MGAT5B: variants seen among roughly 807,000 people sequenced by gnomAD.
MGAT5B encodes the protein alpha-1,6-mannosylglycoprotein 6-beta-N-acetylglucosaminyltransferase B.
In MGAT5B, 54 loss-of-function variants were observed where a neutral mutation model predicts 95.1. That is an observed-to-expected ratio of 0.57 (90% CI 0.46 to 0.71). The LOEUF (loss-of-function observed/expected upper bound fraction) is 0.71, where lower values mean the gene tolerates loss of function less well. Among genes scored for constraint, MGAT5B ranks in the 30% least tolerant of loss-of-function variants. The probability of loss-of-function intolerance (pLI) is 0.00; values close to 1 mark genes in which losing one functional copy is unlikely to be tolerated. For missense variants in MGAT5B, 935 were observed against 1,088.6 expected (o/e 0.86, Z 1.99); for synonymous variants, 464 against 451.0 (o/e 1.03, Z -0.36).
intron 12 of MGAT5B, 69 bp from the exon 13 acceptor site, chr17:76,937,919 G>T: frequency 6.4e-7 from 1 of 1,573,094 alleles, no homozygotes; most frequent in South Asian, 1.1e-5. Flanking sequence ...AGACCAAAGG[G>T]ATCTCCTCCA....
At position 76,940,613 on chromosome 17, in the gene MGAT5B, GAAGAGGCAGA is replaced by G; in HGVS notation, c.1731+66_1731+75del. 1 of 1,584,454 alleles carries G rather than the reference GAAGAGGCAGA, an allele frequency of 6.3e-7. No individual in the cohort carries two copies. The highest frequency in any genetic ancestry group is 8.6e-7 in the Non-Finnish European group (1 of 1,161,960). ...GGGACAGAGACCCCTGCAGGTCCTG[GAAGAGGCAGA>G]CTGAGATGTGGGGCAAAAGGAGATA... On this transcript the variant is annotated intron_variant, in intron 14 of 17. Coordinates refer to ENST00000569840, the MANE Select transcript of MGAT5B (RefSeq NM_001199172.2). The surrounding 1 kb of genome is among the most constrained non-coding windows in gnomAD (Gnocchi z 4.3).
At chr17:76,893,597 G>A (rs897332237) in intron 3 of MGAT5B, among the ~76,000 whole-genome samples, 4 of 152,258 alleles carry the variant, frequency 2.6e-5, no homozygotes, top group African/African-American at 9.6e-5. Flanking sequence ...GCACTTGGTG[G>A]TGGGAGTGAG....
chr17:76,928,437 T>A (rs575298131), intron 10 of MGAT5B, among the ~76,000 whole-genome samples: 1 of 152,218 alleles, frequency 6.6e-6, no homozygotes, highest in Admixed American at 6.5e-5. Context: ...CCAGGCGCGG[T>A]GGCTCACACC....
At chr17:76,933,093 T>TG (rs1366442505) in intron 11 of MGAT5B, among the ~76,000 whole-genome samples, 199 bp from the exon 12 acceptor site, 6 of 152,030 alleles carry the variant, frequency 3.9e-5, no homozygotes, top group East Asian at 1.9e-4. Context: ...CTTCGGTGGA[T>TG]GGGGGGGTGG....
intron 15 of MGAT5B, among the ~76,000 whole-genome samples, chr17:76,946,038 G>T (rs1970016414): frequency 6.6e-6 from 1 of 152,054 alleles, no homozygotes; most frequent in South Asian, 2.1e-4. Flanking sequence ...TAAGAGGGTG[G>T]GTGGGCTGTG....
At chr17:76,899,154 G>T (rs999054355) in intron 3 of MGAT5B, among the ~76,000 whole-genome samples, 5 of 152,244 alleles carry the variant, frequency 3.3e-5, no homozygotes, top group Non-Finnish European at 7.3e-5. Flanking sequence ...AGTTGACCTG[G>T]CAGGACCCCT....
At position 76,869,096 on chromosome 17, in the gene MGAT5B, C is replaced by T; in HGVS notation, c.67C>T (p.Arg23Trp). The T allele has an allele frequency of 6.2e-7, 1 of 1,613,966 alleles. No individual in the cohort carries two copies. Among genetic ancestry groups the T allele is most frequent in the Non-Finnish European group, 8.5e-7 (1 of 1,179,878 alleles). ...RRCLVTLRPF[R>W]LFVLGIGFFT... ...ATGCCTGGTCACCCTGAGACCCTTT[C>T]GGTAAAGTTCCCTCCTGGTTGGTTT... Residue 23 changes from arginine to tryptophan, a missense_variant and splice_region_variant, in exon 1 of 18, where the codon CGG becomes TGG. Arg to Trp is a moderately radical substitution (Grantham distance 101, BLOSUM62 -3). Around this residue, in one of 4 missense-constraint regions of MGAT5B, gnomAD observed 243 missense variants for 228.2 expected, o/e 1.06. Coordinates refer to ENST00000569840, the MANE Select transcript of MGAT5B (RefSeq NM_001199172.2). This position sits in a 1 kb window ranked among gnomAD's most constrained non-coding sequence, Gnocchi z 7.0.
At chr17:76,922,690 C>T (rs960318560) in intron 8 of MGAT5B, among the ~76,000 whole-genome samples, 1 of 152,236 alleles carries the variant, frequency 6.6e-6, no homozygotes, top group African/African-American at 2.4e-5. Flanking sequence ...AAGAGGCAGG[C>T]ACTGCCTTAG....
At chr17:76,877,682 C>T (rs926100679) in intron 2 of MGAT5B, among the ~76,000 whole-genome samples, 5 of 152,154 alleles carry the variant, frequency 3.3e-5, no homozygotes. Flanking sequence ...CTGCGGTGAG[C>T]GAGTACAGAG....
chr17:76,896,153 T>C (rs1451570610), intron 3 of MGAT5B, among the ~76,000 whole-genome samples: 1 of 152,256 alleles, frequency 6.6e-6, no homozygotes, highest in Admixed American at 6.5e-5. Context: ...CAACCAAGCA[T>C]TTCCCAGGTC....
In MGAT5B at chr17:76,938,287, C is replaced by A; in HGVS notation, c.1584+144C>A. ...CTGCTGCCCTGAGCCCCACATCTGG[C>A]CAGAGCCCAGGGGCAGAGATGTGGG... On this transcript the variant is annotated intron_variant, in intron 13 of 17. Transcript: ENST00000569840. The surrounding 1 kb of genome is among the most constrained non-coding windows in gnomAD (Gnocchi z 4.3). The A allele has an allele frequency of 8.7e-7, 1 of 1,153,250 alleles. No individual in the cohort carries two copies. Among genetic ancestry groups the A allele is most frequent in the Non-Finnish European group, 1.2e-6 (1 of 824,370 alleles). The allele number at this position is 1,153,250 out of a possible 1,614,324, so 71.4% of individuals were successfully genotyped here.
chr17:76,918,223 C>G lies in MGAT5B; in HGVS notation c.1026-6743C>G, dbSNP rs1471850999. Among the ~76,000 whole-genome samples the G allele has an allele frequency of 6.6e-6, 1 of 152,194 alleles. No homozygotes were observed. Among genetic ancestry groups the G allele is most frequent in the Non-Finnish European group, 1.5e-5 (1 of 68,026 alleles). On this transcript the variant is annotated intron_variant, in intron 8 of 17. Transcript: ENST00000569840. The surrounding 1 kb of genome is among the most constrained non-coding windows in gnomAD (Gnocchi z 5.1). The stretch of plus-strand genomic sequence containing the variant: ...CACGCCTTGTACCGCACCCCCACCC[C>G]CGCACCCATGCTTTGTGGTAGCTTC...
At chr17:76,893,906 G>A (rs1967975612) in intron 3 of MGAT5B, among the ~76,000 whole-genome samples, 1 of 152,184 alleles carries the variant, frequency 6.6e-6, no homozygotes, top group Non-Finnish European at 1.5e-5. Flanking sequence ...CCCCTTCCAG[G>A]TGAAATGGTG....
At chr17:76,944,543 A>G (rs1182154978) in intron 15 of MGAT5B, among the ~76,000 whole-genome samples, 1 of 152,214 alleles carries the variant, frequency 6.6e-6, no homozygotes, top group Non-Finnish European at 1.5e-5. Context: ...TTCTTGGGCC[A>G]TCGGCTCGGG....
rs1374214480 is a variant in MGAT5B at position 76,903,377 on chromosome 17, G to A, written c.519+1G>A. On this transcript the variant is annotated splice_donor_variant, in intron 5 of 17. Transcript: ENST00000569840. LOFTEE classifies it high-confidence loss of function. ...CCCTGACTGCTCAGGGAAGGTGGAG[G>A]TGAGGCCTGGGGCTGAGGGGTGGGG... The A allele has an allele frequency of 4.3e-6, 7 of 1,609,568 alleles. No homozygotes were observed. Among genetic ancestry groups the A allele is most frequent in the Non-Finnish European group, 5.9e-6 (7 of 1,177,844 alleles).
At chr17:76,946,541 C>T (rs1273760471) in intron 16 of MGAT5B, 91 bp downstream of exon 16, 14 of 1,120,944 alleles carry the variant, frequency 1.2e-5, no homozygotes, top group Middle Eastern at 4.2e-4. Flanking sequence ...GCCCTGCACC[C>T]GTGAAACCAT....
chr17:76,909,118 T>C (rs925261488), intron 8 of MGAT5B, among the ~76,000 whole-genome samples: 8 of 152,146 alleles, frequency 5.3e-5, no homozygotes, highest in African/African-American at 1.9e-4. Flanking sequence ...CTGCTATATA[T>C]ATATTTTAAA....
At chr17:76,900,861 TTGTGTGTGCATGTGTGCG>T (rs1484970441) in intron 3 of MGAT5B, among the ~76,000 whole-genome samples, 1 of 150,054 alleles carries the variant, frequency 6.7e-6, no homozygotes, top group South Asian at 2.1e-4. Context: ...ACAGACTGGA[TTGTGTGTGCATGTGTGCG>T]TGTGTGTGCA....
rs141503182 is a variant in MGAT5B, at chr17:76,926,373, T to C, written c.1158-224T>C. Among the ~76,000 whole-genome samples the C allele has an allele frequency of 1.4e-3, 219 of 152,208 alleles. 1 individual carries two copies. Among genetic ancestry groups the C allele is most frequent in the African/African-American group, 5.0e-3 (208 of 41,526 alleles). On this transcript the variant is annotated intron_variant, in intron 9 of 17. Coordinates refer to ENST00000569840, the MANE Select transcript of MGAT5B (RefSeq NM_001199172.2). ...GAGCTTCCCTACAACCCTGAGACAA[T>C]TGGGCTGTTGTTTTTCCCACTGGAC... is the stretch of plus-strand genomic sequence containing the variant.
Sources: gnomAD v4.1 joint callset for allele counts (sites outside exome capture counted in the v4.1 genomes callset) on GRCh38, gnomAD v4.1.1 for gene constraint, gnomAD v4.1.1 regional missense constraint, Gnocchi (gnomAD v3.1) non-coding constraint, MANE v1.5 for transcripts, NCBI Gene and HGNC (gene_info 2026-07-23, HGNC 2026-07-21) for gene names.